The following CTNNA2 variants were observed in gnomAD, a reference collection of about 807,000 sequenced individuals.
CTNNA2 encodes catenin alpha 2.
Under a neutral mutation model 101.0 loss-of-function variants are expected in CTNNA2, and 42 were observed. That is an observed-to-expected ratio of 0.42 (90% CI 0.32 to 0.54). CTNNA2 has a LOEUF of 0.54. CTNNA2 is among the 20% of genes least tolerant of loss of function. The pLI, the probability that CTNNA2 is intolerant of heterozygous loss-of-function variation, is 0.14. For missense variants in CTNNA2, 871 were observed against 1,223.1 expected, an observed-to-expected ratio of 0.71 and a Z score of 4.29; for synonymous variants, 450 against 456.4, an observed-to-expected ratio of 0.99 and a Z score of 0.18.
chr2:79,248,520 G>A (rs1187662270), intron 2 of CTNNA2, among the ~76,000 whole-genome samples: 1 of 151,968 alleles, frequency 6.6e-6, no homozygotes. Flanking sequence ...GTGCTGGATG[G>A]TCACATGTAT....
chr2:80,209,023 T>C (rs1401786257), intron 7 of CTNNA2, among the ~76,000 whole-genome samples: 1 of 152,106 alleles, frequency 6.6e-6, no homozygotes, highest in Non-Finnish European at 1.5e-5. Flanking sequence ...ACTCACTCTT[T>C]TTTTCTAAGG....
chr2:79,329,883 CTT>C (rs1676831914), intron 3 of CTNNA2, among the ~76,000 whole-genome samples: 1 of 152,162 alleles, frequency 6.6e-6, no homozygotes, highest in Non-Finnish European at 1.5e-5. Context: ...AGACATCACT[CTT>C]CTCTTAGTGC....
At chr2:79,809,189 T>A (rs1676812534) in intron 3 of CTNNA2, among the ~76,000 whole-genome samples, 2 of 152,190 alleles carry the variant, frequency 1.3e-5, no homozygotes, top group Admixed American at 1.3e-4. Flanking sequence ...CAGTCTACCA[T>A]TCATGGGCGT....
At chr2:80,180,872 G>A (rs1705734282) in intron 7 of CTNNA2, among the ~76,000 whole-genome samples, 1 of 152,074 alleles carries the variant, frequency 6.6e-6, no homozygotes, top group African/African-American at 2.4e-5. Flanking sequence ...AGCTAACCAA[G>A]CAAATAAACG....
intron 7 of CTNNA2, among the ~76,000 whole-genome samples, chr2:80,356,557 T>C (rs1673825840): frequency 6.6e-6 from 1 of 151,936 alleles, no homozygotes; most frequent in African/African-American, 2.4e-5. Context: ...GGATGAACCA[T>C]ACAGAGAGAA....
At chr2:80,564,927 GGAA>G (rs1469334610) in intron 12 of CTNNA2, among the ~76,000 whole-genome samples, 29 of 152,290 alleles carry the variant, frequency 1.9e-4, no homozygotes, top group African/African-American at 6.7e-4. Context: ...TCTAGGCAGA[GGAA>G]GATTGAAATT....
At chr2:79,691,253 T>A (rs568749435) in intron 2 of CTNNA2, among the ~76,000 whole-genome samples, 2 of 152,158 alleles carry the variant, frequency 1.3e-5, no homozygotes, top group Admixed American at 1.3e-4. Flanking sequence ...ATAAAAGTAG[T>A]AATTTGTTCT....
intron 18 of CTNNA2, among the ~76,000 whole-genome samples, chr2:80,646,819 G>T (rs1332898733): frequency 6.6e-6 from 1 of 152,032 alleles, no homozygotes; most frequent in Admixed American, 6.6e-5. Flanking sequence ...CAGATGAGTA[G>T]TATCTTTAAA....
At chr2:79,362,824 C>A (rs1677661477) in intron 3 of CTNNA2, among the ~76,000 whole-genome samples, 1 of 152,164 alleles carries the variant, frequency 6.6e-6, no homozygotes, top group South Asian at 2.1e-4. Flanking sequence ...TCCAGCTGAC[C>A]CACAGTGGGC....
chr2:79,221,159 G>A (rs1027253722), intron 2 of CTNNA2, among the ~76,000 whole-genome samples: 2 of 151,596 alleles, frequency 1.3e-5, no homozygotes, highest in African/African-American at 2.4e-5. Flanking sequence ...TGTTTTTGTT[G>A]TTGTTTTGAC....
At chr2:80,270,627 T>C (rs971686815) in intron 7 of CTNNA2, among the ~76,000 whole-genome samples, 1 of 152,210 alleles carries the variant, frequency 6.6e-6, no homozygotes, top group Non-Finnish European at 1.5e-5. Flanking sequence ...TTCAAATCAC[T>C]GTTTCTGAGT....
chr2:80,520,368 C>T (rs1689438798), intron 9 of CTNNA2, among the ~76,000 whole-genome samples: 1 of 152,150 alleles, frequency 6.6e-6, no homozygotes, highest in Non-Finnish European at 1.5e-5. Context: ...GAAAAATTCC[C>T]GACCTGCCAG....
chr2:80,580,903 C>G (rs1047117196), intron 13 of CTNNA2, among the ~76,000 whole-genome samples: 12 of 152,070 alleles, frequency 7.9e-5, no homozygotes, highest in African/African-American at 2.7e-4. Flanking sequence ...GTAATCCCAG[C>G]TACTTGGGTG....
chr2:79,428,385 C>T (rs1300724679), intron 4 of CTNNA2, among the ~76,000 whole-genome samples: 1 of 151,970 alleles, frequency 6.6e-6, no homozygotes, highest in East Asian at 1.9e-4. Context: ...TCTTCTAATG[C>T]TTCACACTTG....
intron 3 of CTNNA2, among the ~76,000 whole-genome samples, chr2:79,806,041 GT>G (rs1182685287): frequency 1.3e-5 from 2 of 151,904 alleles, no homozygotes; most frequent in Non-Finnish European, 2.9e-5. Context: ...TTGCATGTAA[GT>G]TTTCCATATG....
chr2:80,223,747 G>A (rs924238550), intron 7 of CTNNA2, among the ~76,000 whole-genome samples: 8 of 152,064 alleles, frequency 5.3e-5, no homozygotes, highest in African/African-American at 1.9e-4. Context: ...GAATGAACTA[G>A]GCTCCCATCT....
intron 18 of CTNNA2, among the ~76,000 whole-genome samples, chr2:80,621,731 G>T (rs1257263616): frequency 6.6e-6 from 1 of 151,182 alleles, no homozygotes; most frequent in Admixed American, 6.7e-5. Flanking sequence ...GTAGGGAATT[G>T]GTGAGTATGG....
intron 2 of CTNNA2, among the ~76,000 whole-genome samples, chr2:79,240,193 C>A (rs1169849511): frequency 6.6e-6 from 1 of 151,758 alleles, no homozygotes; most frequent in Non-Finnish European, 1.5e-5. Flanking sequence ...CAGGCATGAG[C>A]CACCATGCTT....
In CTNNA2 at chr2:80,302,780, T is replaced by G. The variant is rs1676473061; in HGVS notation, c.1057-90431T>G. The G allele has an allele frequency of 2.5e-6, 4 of 1,613,444 alleles. No individual in the cohort carries two copies. The highest frequency in any genetic ancestry group is 2.5e-6 in the Non-Finnish European group (3 of 1,179,900). On this transcript the variant is annotated intron_variant, in intron 7 of 18. Coordinates refer to ENST00000402739, the MANE Select transcript of CTNNA2 (RefSeq NM_001282597.3). This position sits in a 1 kb window ranked among gnomAD's most constrained non-coding sequence, Gnocchi z 6.4. Reference sequence around the variant, plus strand: ...GTCCAGGACGTCCTCGCCCTGTGCGTACTCCGGGCTGGCGCACTGCAAGTT... The same window carrying G: ...GTCCAGGACGTCCTCGCCCTGTGCGGACTCCGGGCTGGCGCACTGCAAGTT...
Sources: allele counts gnomAD v4.1 joint callset (sites outside exome capture counted in the v4.1 genomes callset), GRCh38; gene constraint gnomAD v4.1.1; non-coding constraint Gnocchi (gnomAD v3.1); transcripts MANE v1.5; gene names NCBI Gene and HGNC (gene_info 2026-07-23, HGNC 2026-07-21).